The following ACAA2 variants were observed in gnomAD, a reference collection of about 807,000 sequenced individuals.
ACAA2 encodes acetyl-CoA acyltransferase 2, also known as 3-ketoacyl-CoA thiolase, mitochondrial.
A neutral mutation model predicts 44.8 loss-of-function variants in ACAA2; 35 were observed. The observed-to-expected ratio is 0.78, with a 90% CI of 0.60 to 1.04. The LOEUF is 1.04. Among genes scored for constraint, ACAA2 ranks in the 50% least tolerant of loss-of-function variants. ACAA2 has a pLI of 0.00. For missense variants in ACAA2, 468 were observed against 482.6 expected, an observed-to-expected ratio of 0.97 and a Z score of 0.28; for synonymous variants, 142 against 166.5, an observed-to-expected ratio of 0.85 and a Z score of 1.13.
At chr18:49,785,599 A>G (rs1304261447) in intron 8 of ACAA2, 3 of 480,820 alleles carry the variant, frequency 6.2e-6, no homozygotes, top group Admixed American at 3.8e-5. Flanking sequence ...AAATTGACAC[A>G]TACCAGACAC....
chr18:49,786,260 G>A (rs1368396485), intron 8 of ACAA2: 1 of 152,138 alleles, frequency 6.6e-6, no homozygotes, highest in Non-Finnish European at 1.5e-5. Flanking sequence ...CCTAGAATAG[G>A]TAGTGAAACT....
chr18:49,789,854 G>A (rs1341600228), intron 7 of ACAA2, among the ~76,000 whole-genome samples: 2 of 151,980 alleles, frequency 1.3e-5, no homozygotes, highest in Non-Finnish European at 2.9e-5. Flanking sequence ...CGTGGGGGCG[G>A]GCACCTGTAA....
rs2023289529 is a variant in ACAA2 at position 49,783,480 on chromosome 18, T to C, written c.*367A>G. ...TATCACAATTTAAAATTTTTAAAAA[T>C]ATAAATGACAGGAAAATATTAACTG... On this transcript the variant is annotated 3_prime_UTR_variant, in exon 10 of 10. Coordinates refer to ENST00000285093, the MANE Select transcript of ACAA2 (RefSeq NM_006111.3). 1 of 168,470 alleles carries C rather than the reference T, an allele frequency of 5.9e-6. No homozygotes were observed. Among genetic ancestry groups the C allele is most frequent in the African/African-American group, 2.4e-5 (1 of 42,122 alleles). 10.4% of individuals were successfully genotyped at this position (168,470 alleles called of 1,614,324 possible). A position where few individuals can be genotyped will look rare whatever the true frequency, so the allele number is the denominator to read the frequency against.
At chr18:49,797,039 T>C (rs2023472888) in intron 3 of ACAA2, among the ~76,000 whole-genome samples, 2 of 152,144 alleles carry the variant, frequency 1.3e-5, no homozygotes, top group South Asian at 4.1e-4. Flanking sequence ...AGTGTATTCA[T>C]AGTGTGATGC....
At chr18:49,790,161 T>A (rs2023381267) in intron 7 of ACAA2, among the ~76,000 whole-genome samples, 1 of 152,244 alleles carries the variant, frequency 6.6e-6, no homozygotes, top group South Asian at 2.1e-4. Flanking sequence ...AGTTATCTTT[T>A]GCCAATAGTG....
chr18:49,786,608 ATTAG>A (rs1360056111), intron 8 of ACAA2: 1 of 152,186 alleles, frequency 6.6e-6, no homozygotes, highest in Non-Finnish European at 1.5e-5. Context: ...CCTTTGTTCT[ATTAG>A]TTATTTCCCA....
chr18:49,799,813 CGTCTCTG>C (rs2023513971), intron 2 of ACAA2, among the ~76,000 whole-genome samples: 3 of 142,526 alleles, frequency 2.1e-5, no homozygotes, highest in South Asian at 2.3e-4. Flanking sequence ...AGGTGAGGAG[CGTCTCTG>C]CCCGGCCGCC....
At chr18:49,789,304 TTAATAAC>T (rs377373729) in intron 7 of ACAA2, among the ~76,000 whole-genome samples, 8 of 151,912 alleles carry the variant, frequency 5.3e-5, no homozygotes, top group African/African-American at 1.9e-4. Context: ...CACTAGATAC[TTAATAAC>T]TTATTCTCCC....
At chr18:49,790,679 A>G (rs2023387773) in intron 7 of ACAA2, among the ~76,000 whole-genome samples, 1 of 152,220 alleles carries the variant, frequency 6.6e-6, no homozygotes, top group Non-Finnish European at 1.5e-5. Context: ...ATTAAAATTC[A>G]GCATCGTGTG....
intron 1 of ACAA2, among the ~76,000 whole-genome samples, chr18:49,808,998 C>T (rs1273308940): frequency 2.0e-5 from 3 of 152,092 alleles, no homozygotes; most frequent in African/African-American, 7.2e-5. Flanking sequence ...AAGACAGACA[C>T]TCCCAGAGCG....
intron 5 of ACAA2, among the ~76,000 whole-genome samples, chr18:49,793,362 C>G (rs1217817569): frequency 6.6e-6 from 1 of 152,130 alleles, no homozygotes; most frequent in African/African-American, 2.4e-5. Flanking sequence ...TTTAAAACAA[C>G]CTTATTAGAT....
rs2023291176 is a variant in ACAA2, at chr18:49,783,607, G to A, written c.*240C>T. ...ACGATTTCTTTTAATGTCTTCTATAGTTGAGTTTTAGCTCAGAAATACATC... is the reference window on the plus strand; with the variant it reads ...ACGATTTCTTTTAATGTCTTCTATAATTGAGTTTTAGCTCAGAAATACATC... On this transcript the variant is annotated 3_prime_UTR_variant, in exon 10 of 10. Transcript: ENST00000285093. The A allele has an allele frequency of 2.3e-6, 1 of 426,674 alleles. No homozygotes were observed. The highest frequency in any genetic ancestry group is 2.0e-5 in the African/African-American group (1 of 51,004). 26.4% of individuals were successfully genotyped at this position (426,674 alleles called of 1,614,324 possible).
intron 8 of ACAA2, 179 bp from the exon 9 acceptor site, chr18:49,785,530 T>C: frequency 1.6e-6 from 1 of 624,982 alleles, no homozygotes; most frequent in Non-Finnish European, 2.7e-6. Context: ...ATGTGTATAT[T>C]TACTAAATAA....
chr18:49,797,183 C>T (rs771048246), intron 3 of ACAA2, among the ~76,000 whole-genome samples: 32 of 152,042 alleles, frequency 2.1e-4, no homozygotes, highest in South Asian at 4.1e-4. Flanking sequence ...AATTTGACTA[C>T]GCTAGGTATC....
Position 49,802,777 on chromosome 18 carries a change from G to A in ACAA2, c.93C>T (p.Asp31=). Residue 31 remains aspartate, a synonymous_variant, in exon 2 of 10, where the codon GAC becomes GAT. Coordinates refer to ENST00000285093, the MANE Select transcript of ACAA2 (RefSeq NM_006111.3). The stretch of plus-strand genomic sequence containing the variant: ...CAGCCTTGGCAGCAAATTCAGACAA[G>A]TCAGTAGCAGTGAAGTCTTTCAGAA... The part of the protein sequence containing the change: ...GGLLKDFTAT[D]LSEFAAKAAL... 4 of 1,614,118 alleles carry A rather than the reference G, an allele frequency of 2.5e-6. No homozygotes were observed. The highest frequency in any genetic ancestry group is 3.4e-6 in the Non-Finnish European group (4 of 1,180,002).
In ACAA2 at chr18:49,792,234, C is replaced by T. The variant is rs199574771; in HGVS notation, c.671G>A (p.Arg224Gln). The change falls in exon 6 of 10, where the codon CGG becomes CAG. Residue 224 changes from arginine (R) to glutamine (Q), a missense_variant. Physicochemically the swap from Arg to Gln is conservative, Grantham distance 43. Transcript: ENST00000285093. ...TAACTGTTCCAGGGTGGTTTGGGGC[C>T]GAGCATGCTCGTCTACCTGCATTGT... Reference protein sequence around the residue: ...KQTMQVDEHARPQTTLEQLQK... With the variant: ...KQTMQVDEHAQPQTTLEQLQK... 1.7e-5 allele frequency: 27 copies of T among 1,613,648 alleles called. No individual in the cohort carries two copies. Among genetic ancestry groups the T allele is most frequent in the Non-Finnish European group, 2.2e-5 (26 of 1,179,752 alleles).
chr18:49,805,276 C>G (rs1193098204), intron 1 of ACAA2, among the ~76,000 whole-genome samples: 2 of 152,160 alleles, frequency 1.3e-5, no homozygotes, highest in African/African-American at 4.8e-5. Context: ...CAAACCAAGC[C>G]TAGCCTAAAA....
At chr18:49,802,942 A>G in intron 1 of ACAA2, 89 bp from the exon 2 acceptor site, 1 of 1,444,548 alleles carries the variant, frequency 6.9e-7, no homozygotes, top group Non-Finnish European at 9.7e-7. Flanking sequence ...AACCTTACAC[A>G]ATTTAAAATT....
intron 8 of ACAA2, chr18:49,786,083 A>C (rs2143944965): frequency 6.6e-6 from 1 of 152,338 alleles, no homozygotes; most frequent in East Asian, 1.9e-4. Flanking sequence ...TAGATAAGGA[A>C]ACTCATTCTA....
Sources: gnomAD v4.1 joint callset for allele counts (sites outside exome capture counted in the v4.1 genomes callset) on GRCh38, gnomAD v4.1.1 for gene constraint, MANE v1.5 for transcripts, NCBI Gene and HGNC (gene_info 2026-07-23, HGNC 2026-07-21) for gene names.